The following SERPINI2 variants were observed in gnomAD, a reference collection of about 807,000 sequenced individuals.
The protein encoded by SERPINI2 is serpin I2.
In SERPINI2, 48 loss-of-function variants were observed where a neutral mutation model predicts 47.3. The ratio of observed to expected loss-of-function variants is 1.02; its 90% CI spans 0.81 to 1.29. The LOEUF is 1.29. SERPINI2 is among the 50% of genes most tolerant of loss of function. The pLI, the probability that SERPINI2 is intolerant of heterozygous loss-of-function variation, is 0.00. For synonymous variants in SERPINI2, 135 were observed against 149.3 expected, an observed-to-expected ratio of 0.90 and a Z score of 0.70; for missense variants, 448 against 456.9, an observed-to-expected ratio of 0.98 and a Z score of 0.18.
intron 7 of SERPINI2, among the ~76,000 whole-genome samples, chr3:167,447,533 A>G (rs1749515072): frequency 6.6e-6 from 1 of 152,302 alleles, no homozygotes; most frequent in African/African-American, 2.4e-5. Flanking sequence ...ACAGAATCCT[A>G]GAAAATTTTA....
chr3:167,467,224 A>C (rs1162550241), exon 3 of SERPINI2: 1 of 1,613,234 alleles, frequency 6.2e-7, no homozygotes, highest in Non-Finnish European at 8.5e-7. Context: ...GATTAAATGT[A>C]AATTCTTGTT....
chr3:167,456,795 CT>C (rs1324221867), intron 5 of SERPINI2, among the ~76,000 whole-genome samples: 2 of 152,072 alleles, frequency 1.3e-5, no homozygotes, highest in African/African-American at 4.8e-5. Context: ...GGGGGGCCAC[CT>C]ATTACAATGT....
chr3:167,465,104 T>C (rs902332343), intron 5 of SERPINI2, 102 bp downstream of exon 5: 3 of 1,029,972 alleles, frequency 2.9e-6, no homozygotes, highest in Non-Finnish European at 4.3e-6. Flanking sequence ...TTTTCATTTG[T>C]GTCAATAGAC....
chr3:167,455,606 AGAAAAG>A (rs928892331), intron 5 of SERPINI2, among the ~76,000 whole-genome samples: 2 of 140,802 alleles, frequency 1.4e-5, no homozygotes, highest in African/African-American at 5.7e-5. Flanking sequence ...AAAAAAAAAA[AGAAAAG>A]AAAAGAAAAG....
chr3:167,454,101 G>C (rs972566197), intron 5 of SERPINI2, among the ~76,000 whole-genome samples: 4 of 152,222 alleles, frequency 2.6e-5, no homozygotes, highest in Non-Finnish European at 5.9e-5. Flanking sequence ...TCCCCAGTTA[G>C]AATGCATACG....
intron 7 of SERPINI2, among the ~76,000 whole-genome samples, chr3:167,447,838 A>G (rs1350776656): frequency 6.6e-6 from 1 of 152,240 alleles, no homozygotes; most frequent in African/African-American, 2.4e-5. Context: ...CTACAATCCA[A>G]GTTCCTTGAG....
chr3:167,447,197 C>T (rs1175249967), intron 7 of SERPINI2, among the ~76,000 whole-genome samples: 1 of 152,022 alleles, frequency 6.6e-6, no homozygotes, highest in Non-Finnish European at 1.5e-5. Context: ...CTGTTATTTT[C>T]AGACCCCAGG....
intron 8 of SERPINI2, among the ~76,000 whole-genome samples, chr3:167,443,240 T>C (rs1242893734): frequency 6.6e-6 from 1 of 152,142 alleles, no homozygotes; most frequent in Admixed American, 6.5e-5. Flanking sequence ...CCCGAGTAGC[T>C]GGGACTATAG....
chr3:167,446,600 G>GA (rs1394780730), intron 7 of SERPINI2, 119 bp from the exon 8 acceptor site: 2 of 576,664 alleles, frequency 3.5e-6, no homozygotes, highest in African/African-American at 3.8e-5. Context: ...TTAACATGTG[G>GA]AAAAATAACC....
chr3:167,469,371 GA>G (rs1180730652), intron 2 of SERPINI2: 3 of 152,102 alleles, frequency 2.0e-5, no homozygotes, highest in African/African-American at 7.2e-5. Flanking sequence ...GAGATCCAAA[GA>G]TGAAAACAAA....
chr3:167,444,245 G>T (rs1381577452), intron 8 of SERPINI2, among the ~76,000 whole-genome samples: 1 of 152,032 alleles, frequency 6.6e-6, no homozygotes, highest in Non-Finnish European at 1.5e-5. Flanking sequence ...TATAAAGTTG[G>T]CCTACATCCC....
chr3:167,462,216 A>G (rs192959563), intron 5 of SERPINI2, among the ~76,000 whole-genome samples: 1 of 152,302 alleles, frequency 6.6e-6, no homozygotes, highest in African/African-American at 2.4e-5. Context: ...CACTATCACC[A>G]AGATTTCAGT....
chr3:167,446,994 T>C (rs1749497828), intron 7 of SERPINI2: 2 of 152,132 alleles, frequency 1.3e-5, no homozygotes, highest in Admixed American at 6.5e-5. Flanking sequence ...AGATTTTTAT[T>C]ATGAGATTTG....
intron 2 of SERPINI2, among the ~76,000 whole-genome samples, chr3:167,468,368 C>T (rs1428468457): frequency 1.3e-5 from 2 of 151,600 alleles, no homozygotes; most frequent in Non-Finnish European, 2.9e-5. Flanking sequence ...AATCAGAAAG[C>T]TAGCAGCCCA....
chr3:167,442,502 C>T (rs1347443512), intron 8 of SERPINI2, among the ~76,000 whole-genome samples: 3 of 152,164 alleles, frequency 2.0e-5, no homozygotes, highest in South Asian at 2.1e-4. Context: ...AGACCCAGTC[C>T]GGAGAACATA....
At chr3:167,446,913 T>A (rs1749495903) in intron 7 of SERPINI2, 1 of 152,328 alleles carries the variant, frequency 6.6e-6, no homozygotes. Flanking sequence ...ATTAATTTTT[T>A]TTTTTACTTA....
chr3:167,447,199 G>A (rs1469065698), intron 7 of SERPINI2, among the ~76,000 whole-genome samples: 1 of 151,918 alleles, frequency 6.6e-6, no homozygotes, highest in African/African-American at 2.4e-5. Context: ...GTTATTTTCA[G>A]ACCCCAGGAA....
chr3:167,445,244 T>G (rs772157492), intron 8 of SERPINI2, among the ~76,000 whole-genome samples: 1 of 152,194 alleles, frequency 6.6e-6, no homozygotes, highest in Non-Finnish European at 1.5e-5. Flanking sequence ...GTATCGCTAG[T>G]TCATCTAATA....
intron 5 of SERPINI2, among the ~76,000 whole-genome samples, chr3:167,462,288 T>C (rs1750004284): frequency 6.6e-6 from 1 of 152,200 alleles, no homozygotes; most frequent in Non-Finnish European, 1.5e-5. Flanking sequence ...CATAACAAAG[T>C]ACTACAAACT....
Sources: gnomAD v4.1 joint callset for allele counts (sites outside exome capture counted in the v4.1 genomes callset) on GRCh38, gnomAD v4.1.1 for gene constraint, MANE v1.5 for transcripts, NCBI Gene and HGNC (gene_info 2026-07-23, HGNC 2026-07-21) for gene names.